The following NSMAF variants were observed in gnomAD, a reference collection of about 807,000 sequenced individuals.
The protein encoded by NSMAF is protein FAN.
NSMAF carries 90 observed loss-of-function variants against 134.9 expected under a neutral mutation model. The ratio of observed to expected loss-of-function variants is 0.67; its 90% CI spans 0.56 to 0.79. NSMAF has a LOEUF of 0.79. Ranked by LOEUF, NSMAF falls within the 30% of genes least tolerant of loss-of-function variation. The pLI is 0.00. For synonymous variants in NSMAF, 358 were observed against 389.6 expected (o/e 0.92, Z 0.96); for missense variants, 1,010 against 1,119.0 (o/e 0.90, Z 1.39).
At chr8:58,643,153 C>T (rs1353466471) in intron 1 of NSMAF, 80 bp from the exon 2 acceptor site, 1 of 1,009,568 alleles carries the variant, frequency 9.9e-7, no homozygotes, top group Non-Finnish European at 1.6e-6. Context: ...ACGTCTGATC[C>T]CAAAAAGCTT....
chr8:58,622,360 G>A (rs1806805919), intron 9 of NSMAF, among the ~76,000 whole-genome samples: 1 of 151,754 alleles, frequency 6.6e-6, no homozygotes, highest in Non-Finnish European at 1.5e-5. Context: ...TGCCTCTCAA[G>A]TAGCTGGAAC....
chr8:58,635,394 A>G (rs1260644757), intron 3 of NSMAF, 22 bp from the exon 4 acceptor site: 27 of 1,581,794 alleles, frequency 1.7e-5, no homozygotes, highest in Middle Eastern at 1.7e-4. Flanking sequence ...TGAGAGAAAT[A>G]TTATAAAAAT....
intron 7 of NSMAF, 34 bp downstream of exon 7, chr8:58,623,675 T>C: frequency 6.3e-7 from 1 of 1,582,868 alleles, no homozygotes; most frequent in South Asian, 1.1e-5. Flanking sequence ...TTTGCCTCAG[T>C]TTGCTTTGAA....
intron 13 of NSMAF, 148 bp from the exon 14 acceptor site, chr8:58,602,285 T>C (rs572327002): frequency 3.4e-6 from 2 of 582,914 alleles, no homozygotes; most frequent in African/African-American, 3.8e-5. Context: ...GTTATTTATG[T>C]AGATGTAAAG....
intron 10 of NSMAF, 115 bp downstream of exon 10, chr8:58,609,489 G>A (rs1296833689): frequency 2.1e-6 from 2 of 971,786 alleles, no homozygotes; most frequent in Non-Finnish European, 3.2e-6. Context: ...GAAGGGGGTG[G>A]GCAGGGACAT....
Position 58,635,291 on chromosome 8 carries a change from T to C in NSMAF, c.296+14A>G. On this transcript the variant is annotated intron_variant, in intron 4 of 30. Transcript: ENST00000038176. ...TGGTTGAAGTAAAATTAAACAGTGG[T>C]GAAAATGACATACTTTGTGAAGTGT... 1.9e-6 allele frequency: 3 copies of C among 1,609,820 alleles called. No homozygotes were observed. The highest frequency in any genetic ancestry group is 2.5e-6 in the Non-Finnish European group (3 of 1,177,984).
chr8:58,584,727 C>G (rs570818706), intron 30 of NSMAF, among the ~76,000 whole-genome samples: 55 of 152,174 alleles, frequency 3.6e-4, no homozygotes, highest in Non-Finnish European at 6.9e-4. Flanking sequence ...GCCTCTGTCT[C>G]CTGGGCTCAA....
chr8:58,632,727 C>T (rs1276346110), intron 5 of NSMAF, among the ~76,000 whole-genome samples: 2 of 152,210 alleles, frequency 1.3e-5, no homozygotes, highest in African/African-American at 4.8e-5. Flanking sequence ...TTGCTAGCCT[C>T]TGCCTCCTCT....
chr8:58,642,838 A>C lies in NSMAF; in HGVS notation c.149+146T>G, dbSNP rs1292627620. 9 of 667,502 alleles carry C rather than the reference A, an allele frequency of 1.3e-5. No homozygotes were observed. The East Asian group carries it at 2.5e-4, about 18-fold the overall frequency. 41.3% of individuals were successfully genotyped at this position (667,502 alleles called of 1,614,324 possible). On this transcript the variant is annotated intron_variant, in intron 2 of 30. Transcript: ENST00000038176. ...AAGACTCTCCTAGGTTATAATCCTC[A>C]ATAAAAGTCTAAATAAAATTTACTT...
chr8:58,635,138 T>C, intron 5 of NSMAF, 51 bp downstream of exon 5: 1 of 1,311,166 alleles, frequency 7.6e-7, no homozygotes, highest in Non-Finnish European at 1.1e-6. Context: ...TTCATGCACA[T>C]ATATAAGAAT....
In NSMAF at chr8:58,642,988, C is replaced by A; in HGVS notation, c.145G>T (p.Glu49Ter). ...NHILHKGSHH[E>*]RKIRGSLKIC... is the part of the protein sequence containing the mutation. ...GAGATACCGAAGCTTCCTTACCTTTCATGGTGACTGCCCTTGTGCAAAATG... is the reference window on the plus strand; with the variant it reads ...GAGATACCGAAGCTTCCTTACCTTTAATGGTGACTGCCCTTGTGCAAAATG... The change falls in exon 2 of 31, where the codon GAA becomes TAA. Residue 49 changes from glutamate to a stop codon, truncating the protein, a stop_gained. Coordinates refer to ENST00000038176, the MANE Select transcript of NSMAF (RefSeq NM_003580.4). LOFTEE classifies it high-confidence loss of function. 1 of 1,611,332 alleles carries A rather than the reference C, an allele frequency of 6.2e-7. No individual in the cohort carries two copies. The highest frequency in any genetic ancestry group is 8.5e-7 in the Non-Finnish European group (1 of 1,177,482).
In NSMAF at chr8:58,594,413, G is replaced by T. The variant is rs113075924; in HGVS notation, c.1893-123C>A. On this transcript the variant is annotated intron_variant, in intron 22 of 30. Coordinates refer to ENST00000038176, the MANE Select transcript of NSMAF (RefSeq NM_003580.4). ...TTTTTTTCTTCACAGCATGTCTGCC[G>T]GATCTGTCCCAGCATAAACCTGCCA... 6.0e-6 allele frequency: 5 copies of T among 839,714 alleles called. No individual in the cohort carries two copies. The East Asian group carries it at 1.1e-4, about 18-fold the overall frequency. The allele number at this position is 839,714 out of a possible 1,614,324, so 52.0% of individuals were successfully genotyped here.
At chr8:58,602,265 A>G in intron 13 of NSMAF, 128 bp from the exon 14 acceptor site, 1 of 613,030 alleles carries the variant, frequency 1.6e-6, no homozygotes, top group Non-Finnish European at 2.7e-6. Context: ...CATGAGAGTT[A>G]TTTTTGTTAG....
In NSMAF at chr8:58,617,608, A is replaced by G. The variant is rs181078156; in HGVS notation, c.557+5612T>C. Among the ~76,000 whole-genome samples the G allele has an allele frequency of 2.8e-3, 424 of 152,286 alleles. 3 individuals carry two copies. Among genetic ancestry groups the G allele is most frequent in the African/African-American group, 9.2e-3 (384 of 41,562 alleles). On this transcript the variant is annotated intron_variant, in intron 9 of 30. Transcript: ENST00000038176. Reference sequence around the variant, plus strand: ...GAGAAATGCAAATCAAAACCACAACAAGATACCATCTCATGCCAGTTAGAA... The same window carrying G: ...GAGAAATGCAAATCAAAACCACAACGAGATACCATCTCATGCCAGTTAGAA...
At chr8:58,652,165 A>C (rs1478838001) in intron 1 of NSMAF, among the ~76,000 whole-genome samples, 1 of 152,166 alleles carries the variant, frequency 6.6e-6, no homozygotes, top group Admixed American at 6.5e-5. Flanking sequence ...ATGAAGAAAA[A>C]AAAATCTATA....
intron 10 of NSMAF, among the ~76,000 whole-genome samples, chr8:58,608,605 G>T (rs1384728702): frequency 6.6e-6 from 1 of 152,170 alleles, no homozygotes; most frequent in East Asian, 1.9e-4. Context: ...ACCATGGATT[G>T]TGAAGCTAGG....
chr8:58,615,875 T>A (rs371268476), intron 9 of NSMAF, among the ~76,000 whole-genome samples: 1 of 152,118 alleles, frequency 6.6e-6, no homozygotes, highest in East Asian at 1.9e-4. Flanking sequence ...AGTCAAAATG[T>A]GGTCATTTGA....
intron 2 of NSMAF, among the ~76,000 whole-genome samples, chr8:58,639,765 A>C (rs1242469450): frequency 2.0e-5 from 3 of 152,336 alleles, no homozygotes; most frequent in East Asian, 3.9e-4. Context: ...TATAAAACAT[A>C]TAAAAATAGA....
At chr8:58,603,832 GTAC>G (rs1806340868) in intron 12 of NSMAF, among the ~76,000 whole-genome samples, 1 of 152,146 alleles carries the variant, frequency 6.6e-6, no homozygotes, top group Non-Finnish European at 1.5e-5. Flanking sequence ...TGGAAGAGAT[GTAC>G]TACTGCTAAT....
Sources: gnomAD v4.1 joint callset for allele counts (sites outside exome capture counted in the v4.1 genomes callset) on GRCh38, gnomAD v4.1.1 for gene constraint, MANE v1.5 for transcripts, NCBI Gene and HGNC (gene_info 2026-07-23, HGNC 2026-07-21) for gene names.